FAM47E: variants seen among roughly 807,000 people sequenced by gnomAD.
FAM47E encodes the protein protein FAM47E.
A neutral mutation model predicts 41.6 loss-of-function variants in FAM47E; 32 were observed. The ratio of observed to expected loss-of-function variants is 0.77; its 90% CI spans 0.58 to 1.03. FAM47E has a LOEUF of 1.03. FAM47E is among the 50% of genes least tolerant of loss of function. The pLI is 0.00. For missense variants in FAM47E, 424 were observed against 485.4 expected (o/e 0.87, Z 1.19); for synonymous variants, 184 against 188.7 (o/e 0.98, Z 0.20).
chr4:76,230,565 G>T (rs562416680), intron 2 of FAM47E, among the ~76,000 whole-genome samples: 3 of 152,278 alleles, frequency 2.0e-5, no homozygotes, highest in Non-Finnish European at 2.9e-5. Context: ...TTCTGCTCAA[G>T]AGAGTTTATG....
intron 1 of FAM47E, among the ~76,000 whole-genome samples, chr4:76,214,657 C>T (rs1733165716): frequency 6.6e-6 from 1 of 152,156 alleles, no homozygotes; most frequent in Admixed American, 6.5e-5. Flanking sequence ...GTCCCAGACA[C>T]CCAGGACCAA....
At chr4:76,221,803 T>C (rs1198991652) in intron 2 of FAM47E, among the ~76,000 whole-genome samples, 5 of 152,138 alleles carry the variant, frequency 3.3e-5, no homozygotes, top group Non-Finnish European at 7.3e-5. Context: ...ACCTATTGGG[T>C]ATCATGCTCA....
chr4:76,242,615 T>C (rs1161851700), intron 2 of FAM47E, among the ~76,000 whole-genome samples: 1 of 152,216 alleles, frequency 6.6e-6, no homozygotes, highest in Non-Finnish European at 1.5e-5. Context: ...TTATTTCTAT[T>C]GTCTAATATG....
intron 1 of FAM47E, among the ~76,000 whole-genome samples, chr4:76,255,332 G>C (rs540311576): frequency 4.3e-4 from 65 of 152,068 alleles, no homozygotes; most frequent in Non-Finnish European, 8.4e-4. Flanking sequence ...AATTCATAGG[G>C]TTGTTATGAG....
At chr4:76,225,096 G>A (rs1456367642) in intron 2 of FAM47E, among the ~76,000 whole-genome samples, 5 of 152,090 alleles carry the variant, frequency 3.3e-5, no homozygotes, top group Admixed American at 3.3e-4. Flanking sequence ...ACTCCACCCA[G>A]GTTGCTGCAA....
intron 1 of FAM47E, among the ~76,000 whole-genome samples, chr4:76,254,451 T>C (rs1483509039): frequency 6.6e-6 from 1 of 152,214 alleles, no homozygotes; most frequent in Non-Finnish European, 1.5e-5. Context: ...TTCTGCCATT[T>C]AGCTATTTAA....
At chr4:76,229,601 A>G (rs569168204) in intron 2 of FAM47E, among the ~76,000 whole-genome samples, 50 of 152,214 alleles carry the variant, frequency 3.3e-4, no homozygotes, top group African/African-American at 1.2e-3. Flanking sequence ...CTGAATGATT[A>G]TTATTGCTCT....
chr4:76,226,145 T>A (rs1560728863), intron 2 of FAM47E, among the ~76,000 whole-genome samples: 1 of 152,122 alleles, frequency 6.6e-6, no homozygotes, highest in Non-Finnish European at 1.5e-5. Context: ...TAAGAGTACA[T>A]ACGGTGGGTC....
chr4:76,254,696 A>G (rs1219517133), intron 1 of FAM47E, among the ~76,000 whole-genome samples: 1 of 152,204 alleles, frequency 6.6e-6, no homozygotes, highest in Non-Finnish European at 1.5e-5. Flanking sequence ...GTAAAAAGAC[A>G]TTATAGATAA....
At chr4:76,247,613 G>C (rs1038136951), upstream of FAM47E, among the ~76,000 whole-genome samples, 1 of 151,942 alleles carries the variant, frequency 6.6e-6, no homozygotes, top group Admixed American at 6.6e-5. Context: ...TTTTCTATTC[G>C]TTTGTTTTTA....
chr4:76,215,040 A>G (rs1021307146), intron 1 of FAM47E, among the ~76,000 whole-genome samples: 1 of 152,252 alleles, frequency 6.6e-6, no homozygotes, highest in Non-Finnish European at 1.5e-5. Flanking sequence ...GAAGTCTGGC[A>G]TCTCCCAGAA....
Position 76,271,670 on chromosome 4 carries a change from G to A in FAM47E, c.772G>A (p.Val258Ile). 6.4e-7 allele frequency: 1 copy of A among 1,552,092 alleles called. No individual in the cohort carries two copies. Among genetic ancestry groups the A allele is most frequent in the Non-Finnish European group, 8.7e-7 (1 of 1,147,064 alleles). The change falls in exon 5 of 8, where the codon GTT becomes ATT. Residue 258 changes from valine (V) to isoleucine (I), a missense_variant. Coordinates refer to ENST00000424749, the MANE Select transcript of FAM47E (RefSeq NM_001136570.3). The part of the protein sequence containing the change: ...DALHTMKLNQ[V>I]PLELKRSVGL... ...GCTCCACACGATGAAGCTAAATCAG[G>A]TTCCTCTGGAGCTAAAGCGTAGTGT... is the stretch of plus-strand genomic sequence containing the variant.
intron 1 of FAM47E, among the ~76,000 whole-genome samples, chr4:76,252,837 G>A (rs1734029105): frequency 6.6e-6 from 1 of 152,134 alleles, no homozygotes; most frequent in Non-Finnish European, 1.5e-5. Flanking sequence ...TTTACATAAC[G>A]ATAGCACATT....
chr4:76,253,335 C>A, intron 1 of FAM47E, among the ~76,000 whole-genome samples: 1 of 148,134 alleles, frequency 6.8e-6, no homozygotes, highest in South Asian at 2.2e-4. Flanking sequence ...AAGCTGCTAT[C>A]GACATTTGTG....
Position 76,271,894 on chromosome 4 carries a change from A to G in FAM47E, c.870+126A>G, listed in dbSNP as rs77440835. ...AAAGTAGAATTCTGGAATTTTTTTC[A>G]TGATTAATATTTGTTAAATAAATGC... On this transcript the variant is annotated intron_variant, in intron 5 of 7. Transcript: ENST00000424749. The G allele has an allele frequency of 9.1e-3, 10,036 of 1,105,618 alleles. 143 individuals are homozygous for G. The highest frequency in any genetic ancestry group is 0.055 in the African/African-American group (3,492 of 63,496). The allele number at this position is 1,105,618 out of a possible 1,614,324, so 68.5% of individuals were successfully genotyped here.
intron 5 of FAM47E, among the ~76,000 whole-genome samples, chr4:76,273,531 C>T (rs4859656): frequency 0.36 from 54,314 of 151,814 alleles, 10,271 homozygotes; most frequent in Admixed American, 0.42. Flanking sequence ...GTGCTTTTTC[C>T]TTGGATGCTT....
intron 6 of FAM47E, chr4:76,278,450 A>T (rs1335957546): frequency 4.5e-6 from 2 of 441,296 alleles, no homozygotes; most frequent in Non-Finnish European, 7.8e-6. Flanking sequence ...ATCTCTAAAG[A>T]TTGGACAGCT....
intron 4 of FAM47E, among the ~76,000 whole-genome samples, chr4:76,270,107 A>T (rs60876302): frequency 0.36 from 54,408 of 152,042 alleles, 10,311 homozygotes; most frequent in Admixed American, 0.42. Flanking sequence ...TATAGTAGGA[A>T]CTTCAGGCAC....
chr4:76,256,107 C>A (rs1221853465), intron 1 of FAM47E, 71 bp from the exon 2 acceptor site: 8 of 1,476,352 alleles, frequency 5.4e-6, no homozygotes, highest in Non-Finnish European at 5.4e-6. Context: ...CCTTCTCCCA[C>A]CCAAGTCCTG....
Sources: gnomAD v4.1 joint callset for allele counts (sites outside exome capture counted in the v4.1 genomes callset) on GRCh38, gnomAD v4.1.1 for gene constraint, MANE v1.5 for transcripts, NCBI Gene and HGNC (gene_info 2026-07-23, HGNC 2026-07-21) for gene names.